Variants in SQSTM1 observed in about 807,000 individuals in gnomAD.
The protein encoded by SQSTM1 is sequestosome-1.
Under a neutral mutation model 45.1 loss-of-function variants are expected in SQSTM1, and 36 were observed. That is an observed-to-expected ratio of 0.80 (90% CI 0.61 to 1.05). SQSTM1 has a LOEUF of 1.05. Ranked by LOEUF, SQSTM1 falls within the 50% of genes least tolerant of loss-of-function variation. The pLI is 0.00. For synonymous variants in SQSTM1, 290 were observed against 244.3 expected, an observed-to-expected ratio of 1.19 and a Z score of -1.74; for missense variants, 617 against 607.1, an observed-to-expected ratio of 1.02 and a Z score of -0.17.
chr5:179,819,876 C>A (rs1757709975), upstream of SQSTM1, among the ~76,000 whole-genome samples: 1 of 152,204 alleles, frequency 6.6e-6, no homozygotes, highest in African/African-American at 2.4e-5. Context: ...TGGCCCCATC[C>A]AGCCACTCTT....
At position 179,820,906 on chromosome 5, in the gene SQSTM1, C is replaced by T. The variant is rs751278227; in HGVS notation, c.-31C>T. 24 of 1,484,510 alleles carry T rather than the reference C, an allele frequency of 1.6e-5. No individual in the cohort carries two copies. The highest frequency in any genetic ancestry group is 1.9e-5 in the Non-Finnish European group (21 of 1,114,944). The allele number at this position is 1,484,510 out of a possible 1,614,324, so 92.0% of individuals were successfully genotyped here. A position where few individuals can be genotyped will look rare whatever the true frequency, so the allele number is the denominator to read the frequency against. ...AGCCGCGCGGCGGCTGCGACCGGGA[C>T]GGCCCGTTTTCCGCCAGCTCGCCGC... On this transcript the variant is annotated 5_prime_UTR_variant, in exon 1 of 8. The change creates a new upstream start codon in the 5' untranslated region. Coordinates refer to ENST00000389805, the MANE Select transcript of SQSTM1 (RefSeq NM_003900.5).
intron 5 of SQSTM1, 133 bp downstream of exon 5, chr5:179,825,359 C>G (rs997701656): frequency 2.4e-6 from 2 of 825,938 alleles, no homozygotes; most frequent in African/African-American, 3.4e-5. Flanking sequence ...CTCAAATCAA[C>G]CTTTAGTAGT....
At chr5:179,811,392 CT>C (rs147642274) in intron 1 of SQSTM1, among the ~76,000 whole-genome samples, 877 of 13,148 alleles carry the variant, frequency 0.067, 26 homozygotes, top group Middle Eastern at 0.19. Context: ...GGGGGAGGAG[CT>C]ATGCAGGGGG....
At position 179,833,100 on chromosome 5, in the gene SQSTM1, A is replaced by T. The variant is rs974672376; in HGVS notation, c.823A>T (p.Ser275Cys). Residue 275 changes from serine (S) to cysteine (C), a missense_variant, in exon 6 of 8, where the codon AGT (serine) becomes TGT (cysteine). Physicochemically the swap from Ser to Cys is moderately radical, Grantham distance 112 (BLOSUM62 -1). Transcript: ENST00000389805. ...CCGCCTGACCCCCGTCTCTCCAGAG[A>T]GTTCCAGCACAGAGGAGAAGAGCAG... Reference protein sequence around the residue: ...RSRLTPVSPESSSTEEKSSSQ... With the variant: ...RSRLTPVSPECSSTEEKSSSQ... The T allele has an allele frequency of 1.2e-6, 2 of 1,614,172 alleles. No homozygotes were observed. The highest frequency in any genetic ancestry group is 1.7e-6 in the Non-Finnish European group (2 of 1,180,038).
chr5:179,827,948 A>G (rs1282382639), intron 5 of SQSTM1, among the ~76,000 whole-genome samples: 1 of 152,114 alleles, frequency 6.6e-6, no homozygotes, highest in African/African-American at 2.4e-5. Flanking sequence ...GGGGGCTGAG[A>G]ACCTGCTGAG....
At chr5:179,810,952 T>A (rs922228910) in intron 1 of SQSTM1, among the ~76,000 whole-genome samples, 1 of 151,908 alleles carries the variant, frequency 6.6e-6, no homozygotes, top group African/African-American at 2.4e-5. Flanking sequence ...CACTGTGGCC[T>A]ACGCCTGTAA....
upstream of SQSTM1, among the ~76,000 whole-genome samples, chr5:179,816,272 C>G (rs749060673): frequency 6.6e-6 from 1 of 152,174 alleles, no homozygotes. Context: ...CCTCAGCCTC[C>G]CGACTAGCTG....
intron 1 of SQSTM1, among the ~76,000 whole-genome samples, chr5:179,808,805 AATTTTTTTGG>A (rs1382137947): frequency 2.0e-5 from 3 of 151,612 alleles, no homozygotes; most frequent in Admixed American, 1.3e-4. Flanking sequence ...TTTTAAAACA[AATTTTTTTGG>A]ATTTTTTTGT....
chr5:179,813,971 A>C (rs1442994982), upstream of SQSTM1, among the ~76,000 whole-genome samples: 3 of 152,132 alleles, frequency 2.0e-5, no homozygotes, highest in Admixed American at 2.0e-4. Flanking sequence ...TTGTTGGTTT[A>C]CGAGCTCTCA....
chr5:179,826,598 GTTT>G (rs549477595), intron 5 of SQSTM1, among the ~76,000 whole-genome samples: 13 of 142,252 alleles, frequency 9.1e-5, no homozygotes, highest in Admixed American at 4.2e-4. Context: ...TCGCTAGTCT[GTTT>G]TTTTTTTTTT....
chr5:179,823,152 T>C (rs1260927217), intron 2 of SQSTM1, 99 bp downstream of exon 2: 2 of 1,140,700 alleles, frequency 1.8e-6, no homozygotes, highest in East Asian at 4.9e-5. Context: ...AATGAAGGGG[T>C]CAGCAATTTG....
rs777849713 is a variant in SQSTM1 at position 179,836,626 on chromosome 5, TTCTG to T, written c.*37_*40del. 17 of 1,613,704 alleles carry T rather than the reference TTCTG, an allele frequency of 1.1e-5. No individual in the cohort carries two copies. The highest frequency in any genetic ancestry group is 9.9e-5 in the South Asian group (9 of 91,076). The stretch of plus-strand genomic sequence containing the variant: ...TGCCCACCTCTTCTGCGTGCCCCTC[TTCTG>T]TCTCATAGTTGTGTTAAGCTTGCGT... On this transcript the variant is annotated 3_prime_UTR_variant, in exon 8 of 8. Transcript: ENST00000389805.
chr5:179,816,772 C>A (rs1019036764), upstream of SQSTM1, among the ~76,000 whole-genome samples: 2 of 150,024 alleles, frequency 1.3e-5, no homozygotes, highest in Non-Finnish European at 3.0e-5. Context: ...CTCCAGCCCC[C>A]CTCCCTACTC....
At chr5:179,818,373 C>T (rs571134533), upstream of SQSTM1, among the ~76,000 whole-genome samples, 5 of 152,296 alleles carry the variant, frequency 3.3e-5, no homozygotes, top group South Asian at 2.1e-4. Context: ...CAGAGCAGTG[C>T]GGCCTGAATC....
chr5:179,806,485 A>T lies in SQSTM1; in HGVS notation c.-263A>T. ...TGCGGGCCGGGCGGGGGTCGCGCTC[A>T]CCTTTCTGGCCGCTGAGTGCCGCGT... On this transcript the variant is annotated 5_prime_UTR_variant, in exon 1 of 6. Coordinates refer to the SQSTM1 transcript ENST00000514093. The surrounding 1 kb of genome is among the most constrained non-coding windows in gnomAD (Gnocchi z 4.6). The T allele has an allele frequency of 7.7e-7, 1 of 1,290,982 alleles. No homozygotes were observed. The allele number at this position is 1,290,982 out of a possible 1,614,324, so 80.0% of individuals were successfully genotyped here.
In SQSTM1 at chr5:179,820,951, C is replaced by G. The variant is rs756670021; in HGVS notation, c.15C>G (p.Thr5=). 6.4e-7 allele frequency: 1 copy of G among 1,563,952 alleles called. No individual in the cohort carries two copies. Among genetic ancestry groups the G allele is most frequent in the Non-Finnish European group, 8.6e-7 (1 of 1,162,052 alleles). MASL[T]VKAYLLGKED... is the part of the protein sequence containing the mutation. ...CGCCGCTCGCTATGGCGTCGCTCAC[C>G]GTGAAGGCCTACCTTCTGGGCAAGG... is the stretch of plus-strand genomic sequence containing the variant. Residue 5 remains threonine (T), a synonymous_variant, in exon 1 of 8, where the codon ACC becomes ACG. Transcript: ENST00000389805.
Position 179,810,150 on chromosome 5 carries a change from G to A in SQSTM1, c.-156-1424G>A, listed in dbSNP as rs1422676510. On this transcript the variant is annotated intron_variant, in intron 1 of 5. Transcript: ENST00000514093. ...ATTTTTTATTTTACTTTAAGTTCTA[G>A]GGTACATGTGCACAATTTGCAGGTT... 2.6e-5 allele frequency among the ~76,000 whole-genome samples: 4 copies of A among 151,696 alleles called. 1 individual carries two copies. Among genetic ancestry groups the A allele is most frequent in the Admixed American group, 2.6e-4 (4 of 15,214 alleles).
At position 179,806,509 on chromosome 5, in the gene SQSTM1, G is replaced by GT; in HGVS notation, c.-238dup. The GT allele has an allele frequency of 7.5e-7, 1 of 1,327,410 alleles. No individual in the cohort carries two copies. Among genetic ancestry groups the GT allele is most frequent in the Non-Finnish European group, 9.9e-7 (1 of 1,013,418 alleles). The allele number at this position is 1,327,410 out of a possible 1,614,324, so 82.2% of individuals were successfully genotyped here. A position where few individuals can be genotyped will look rare whatever the true frequency, so the allele number is the denominator to read the frequency against. On this transcript the variant is annotated 5_prime_UTR_variant, in exon 1 of 6. Coordinates refer to the SQSTM1 transcript ENST00000514093. This position sits in a 1 kb window ranked among gnomAD's most constrained non-coding sequence, Gnocchi z 4.6. Reference sequence around the variant, plus strand: ...CACCTTTCTGGCCGCTGAGTGCCGCGTACCAGGACAGCGAGAGGAAGGCGC... The same window carrying GT: ...CACCTTTCTGGCCGCTGAGTGCCGCGTTACCAGGACAGCGAGAGGAAGGCGC...
chr5:179,814,746 A>T (rs1757530163), upstream of SQSTM1, among the ~76,000 whole-genome samples: 1 of 152,308 alleles, frequency 6.6e-6, no homozygotes, highest in Admixed American at 6.5e-5. Context: ...TCAAGGGAAC[A>T]GGTGAGTTAA....
Sources: allele counts gnomAD v4.1 joint callset (sites outside exome capture counted in the v4.1 genomes callset), GRCh38; gene constraint gnomAD v4.1.1; non-coding constraint Gnocchi (gnomAD v3.1); transcripts MANE v1.5; gene names NCBI Gene and HGNC (gene_info 2026-07-23, HGNC 2026-07-21).